Variants in ZNF845 observed in about 807,000 individuals in gnomAD.
ZNF845 encodes zinc finger protein 845.
In ZNF845, 59 loss-of-function variants were observed where a neutral mutation model predicts 76.1. That is an observed-to-expected ratio of 0.78 (90% CI 0.63 to 0.96). The LOEUF (loss-of-function observed/expected upper bound fraction) is 0.96. Among genes scored for constraint, ZNF845 ranks in the 40% least tolerant of loss-of-function variants. The pLI, the probability that ZNF845 is intolerant of heterozygous loss-of-function variation, is 0.00. For synonymous variants in ZNF845, 361 were observed against 386.9 expected (o/e 0.93, Z 0.78); for missense variants, 1,045 against 1,172.8 (o/e 0.89, Z 1.59).
At chr19:53,339,271 T>C (rs555680306) in intron 1 of ZNF845, among the ~76,000 whole-genome samples, 1 of 152,284 alleles carries the variant, frequency 6.6e-6, no homozygotes, top group East Asian at 1.9e-4. Context: ...AGGATGCTCC[T>C]GTGAACAGAT....
chr19:53,348,709 C>T (rs913366582), intron 3 of ZNF845, among the ~76,000 whole-genome samples: 5 of 152,084 alleles, frequency 3.3e-5, no homozygotes, highest in African/African-American at 1.2e-4. Flanking sequence ...TTTCCCAGTA[C>T]ACATTCTATG....
chr19:53,347,390 C>T (rs1427576630), intron 3 of ZNF845, among the ~76,000 whole-genome samples: 1 of 151,676 alleles, frequency 6.6e-6, no homozygotes, highest in Non-Finnish European at 1.5e-5. Flanking sequence ...GATTCTCCTG[C>T]CTCAGTCTCC....
At chr19:53,334,881 G>A (rs1309282585) in intron 1 of ZNF845, among the ~76,000 whole-genome samples, 2 of 152,172 alleles carry the variant, frequency 1.3e-5, no homozygotes, top group Non-Finnish European at 2.9e-5. Flanking sequence ...CTGCACTCCA[G>A]CCTGGTCAAC....
In ZNF845 at chr19:53,351,571, A is replaced by T; in HGVS notation, c.896A>T (p.Tyr299Phe). Residue 299 changes from tyrosine to phenylalanine, a missense_variant, in exon 4 of 4, where the codon TAC (tyrosine) becomes TTC (phenylalanine). Physicochemically the swap from Tyr to Phe is conservative, Grantham distance 22 (BLOSUM62 3). Coordinates refer to ENST00000458035, the MANE Select transcript of ZNF845 (RefSeq NM_138374.3). The part of the protein sequence containing the change: ...HHRLHTGEKH[Y>F]KCSECGKTFS... ...AGACTTCATACTGGAGAGAAACATT[A>T]CAAGTGCAGTGAGTGTGGCAAGACC... 6.2e-7 allele frequency: 1 copy of T among 1,614,182 alleles called. No homozygotes were observed.
chr19:53,354,385 A>G lies in ZNF845; in HGVS notation c.*797A>G, dbSNP rs2085369441. On this transcript the variant is annotated 3_prime_UTR_variant, in exon 4 of 4. Coordinates refer to ENST00000458035, the MANE Select transcript of ZNF845 (RefSeq NM_138374.3). ...ACATTAAAGTGTTTATGTTAAGAAGATTGGGCCAGGCGGGGTGGCTCACGC... is the reference window on the plus strand; with the variant it reads ...ACATTAAAGTGTTTATGTTAAGAAGGTTGGGCCAGGCGGGGTGGCTCACGC... 2 of 304,972 alleles carry G rather than the reference A, an allele frequency of 6.6e-6. No homozygotes were observed. 18.9% of individuals were successfully genotyped at this position (304,972 alleles called of 1,614,324 possible). A position where few individuals can be genotyped will look rare whatever the true frequency, so the allele number is the denominator to read the frequency against.
chr19:53,344,604 A>ATTTTTTTTAT (rs371551119), intron 2 of ZNF845, among the ~76,000 whole-genome samples: 1 of 126,908 alleles, frequency 7.9e-6, no homozygotes, highest in African/African-American at 3.0e-5. Context: ...ATTTTATTTT[A>ATTTTTTTTAT]TTTATTTTAT....
intron 2 of ZNF845, among the ~76,000 whole-genome samples, chr19:53,341,855 G>A (rs924636332): frequency 6.6e-6 from 1 of 152,120 alleles, no homozygotes; most frequent in Non-Finnish European, 1.5e-5. Flanking sequence ...ACACAGACAT[G>A]AATGATAGAA....
At chr19:53,340,330 G>A (rs2085247404) in intron 1 of ZNF845, among the ~76,000 whole-genome samples, 1 of 152,194 alleles carries the variant, frequency 6.6e-6, no homozygotes, top group Non-Finnish European at 1.5e-5. Flanking sequence ...GGGATTGCAG[G>A]TGTGAGCCAC....
chr19:53,336,143 C>T (rs1171185573), intron 1 of ZNF845, among the ~76,000 whole-genome samples: 18 of 147,182 alleles, frequency 1.2e-4, no homozygotes, highest in African/African-American at 4.0e-4. Context: ...ACCCAGGAGG[C>T]GGAGGTTGCA....
At position 53,352,095 on chromosome 19, in the gene ZNF845, A is replaced by G; in HGVS notation, c.1420A>G (p.Lys474Glu). 1 of 1,613,976 alleles carries G rather than the reference A, an allele frequency of 6.2e-7. No individual in the cohort carries two copies. Among genetic ancestry groups the G allele is most frequent in the Non-Finnish European group, 8.5e-7 (1 of 1,179,954 alleles). ...ACCTTACAAGTGTAATGATTGTGGC[A>G]AGACCTTCAGTCAGACATCATCCCT... is the stretch of plus-strand genomic sequence containing the variant. ...EKPYKCNDCGKTFSQTSSLVY... is the reference protein window; with the variant it reads ...EKPYKCNDCGETFSQTSSLVY... The change falls in exon 4 of 4, where the codon AAG (lysine) becomes GAG (glutamate). Residue 474 changes from lysine (K) to glutamate (E), a missense_variant. Lys to Glu is a moderately conservative substitution (Grantham distance 56). Coordinates refer to ENST00000458035, the MANE Select transcript of ZNF845 (RefSeq NM_138374.3).
At chr19:53,349,208 A>G (rs577884007) in intron 3 of ZNF845, among the ~76,000 whole-genome samples, 2 of 152,158 alleles carry the variant, frequency 1.3e-5, no homozygotes, top group East Asian at 3.9e-4. Flanking sequence ...GACCTCGTAC[A>G]TCAGAAGGTA....
chr19:53,343,099 G>C (rs1185435261), intron 2 of ZNF845, among the ~76,000 whole-genome samples: 3 of 152,116 alleles, frequency 2.0e-5, no homozygotes, highest in Non-Finnish European at 4.4e-5. Context: ...GATTGCAAGC[G>C]TGATCCACCG....
At chr19:53,337,268 A>G in intron 1 of ZNF845, 1 of 427,692 alleles carries the variant, frequency 2.3e-6, no homozygotes, top group Non-Finnish European at 4.7e-6. Context: ...AGGCTCAGAG[A>G]TGTCTCCCAT....
intron 3 of ZNF845, chr19:53,346,450 G>A: frequency 5.7e-6 from 2 of 350,728 alleles, no homozygotes; most frequent in East Asian, 1.1e-4. Flanking sequence ...GGAGGCCGAG[G>A]CAGGCAAATC....
chr19:53,353,643 G>T lies in ZNF845; in HGVS notation c.*55G>T. 1 of 1,525,326 alleles carries T rather than the reference G, an allele frequency of 6.6e-7. No individual in the cohort carries two copies. The allele number at this position is 1,525,326 out of a possible 1,614,324, so 94.5% of individuals were successfully genotyped here. ...TTGTAAATCAAGTCTTGAAAGACAG[G>T]AGAATTCATACTGGAGAGAAAGCTT... On this transcript the variant is annotated 3_prime_UTR_variant, in exon 4 of 4. Coordinates refer to ENST00000458035, the MANE Select transcript of ZNF845 (RefSeq NM_138374.3).
Position 53,351,704 on chromosome 19 carries a change from G to T in ZNF845, c.1029G>T (p.Val343=). ...GKTFSQTSYL[V]YHRRLHTGEK... ...CCTTCAGTCAAACGTCATACCTTGT[G>T]TACCATCGTAGACTTCATACTGGAG... is the stretch of plus-strand genomic sequence containing the variant. Residue 343 remains valine (V), a synonymous_variant, in exon 4 of 4, where the codon GTG becomes GTT. Transcript: ENST00000458035. The T allele has an allele frequency of 6.2e-7, 1 of 1,613,030 alleles. No homozygotes were observed. Among genetic ancestry groups the T allele is most frequent in the South Asian group, 1.1e-5 (1 of 91,018 alleles).
intron 1 of ZNF845, among the ~76,000 whole-genome samples, chr19:53,335,575 C>A (rs574643429): frequency 6.6e-6 from 1 of 151,926 alleles, no homozygotes; most frequent in Non-Finnish European, 1.5e-5. Flanking sequence ...GCCTGGCCTA[C>A]ATAGTCGTTT....
In ZNF845 at chr19:53,353,257, G is replaced by A. The variant is rs541852721; in HGVS notation, c.2582G>A (p.Cys861Tyr). The A allele has an allele frequency of 6.8e-6, 11 of 1,613,886 alleles. No homozygotes were observed. The Admixed American group carries it at 1.2e-4, about 17-fold the overall frequency. The part of the protein sequence containing the change: ...AIHTGEKPYK[C>Y]SECGKVFNRK... ...CATACTGGAGAAAAACCTTACAAGT[G>A]TAGTGAATGTGGCAAGGTTTTTAAT... The change falls in exon 4 of 4, where the codon TGT becomes TAT. Residue 861 changes from cysteine (C) to tyrosine (Y), a missense_variant. Physicochemically the swap from Cys to Tyr is radical, Grantham distance 194 (BLOSUM62 -2). Coordinates refer to ENST00000458035, the MANE Select transcript of ZNF845 (RefSeq NM_138374.3).
In ZNF845 at chr19:53,356,167, CAGA is replaced by C. The variant is rs1419096690; in HGVS notation, c.*2582_*2584del. 6.6e-6 allele frequency: 1 copy of C among 152,142 alleles called. No homozygotes were observed. The highest frequency in any genetic ancestry group is 1.5e-5 in the Non-Finnish European group (1 of 68,034). 9.4% of individuals were successfully genotyped at this position (152,142 alleles called of 1,614,324 possible). A position where few individuals can be genotyped will look rare whatever the true frequency, so the allele number is the denominator to read the frequency against. ...TGAACAGGCTCTAGTTTGAGGCACT[CAGA>C]AGGATAAGACATCAGTTTGAAAAGA... is the stretch of plus-strand genomic sequence containing the variant. On this transcript the variant is annotated 3_prime_UTR_variant, in exon 4 of 4. Coordinates refer to ENST00000458035, the MANE Select transcript of ZNF845 (RefSeq NM_138374.3).
Sources: allele counts gnomAD v4.1 joint callset (sites outside exome capture counted in the v4.1 genomes callset), GRCh38; gene constraint gnomAD v4.1.1; transcripts MANE v1.5; gene names NCBI Gene and HGNC (gene_info 2026-07-23, HGNC 2026-07-21).